Variants in FBXW12 observed in about 807,000 individuals in gnomAD.
FBXW12 encodes F-box and WD repeat domain containing 12.
A neutral mutation model predicts 55.3 loss-of-function variants in FBXW12; 43 were observed. The ratio of observed to expected loss-of-function variants is 0.78; its 90% CI spans 0.61 to 1.00. FBXW12 has a LOEUF of 1.00. Among genes scored for constraint, FBXW12 ranks in the 50% least tolerant of loss-of-function variants. The pLI, the probability that FBXW12 is intolerant of heterozygous loss-of-function variation, is 0.00. For missense variants in FBXW12, 524 were observed against 560.5 expected (o/e 0.93, Z 0.66); for synonymous variants, 184 against 203.8 (o/e 0.90, Z 0.83).
chr3:48,391,891 C>CTA (rs1387405836), intron 10 of FBXW12, among the ~76,000 whole-genome samples: 4 of 152,080 alleles, frequency 2.6e-5, no homozygotes, highest in Non-Finnish European at 5.9e-5. Flanking sequence ...CAGTTTGCTA[C>CTA]TATTTTCTTG....
In FBXW12 at chr3:48,380,809, A is replaced by G. The variant is rs1433486264; in HGVS notation, c.882A>G (p.Lys294=). Residue 294 remains lysine (K), a synonymous_variant, in exon 8 of 11, where the codon AAA becomes AAG. Coordinates refer to ENST00000296438, the MANE Select transcript of FBXW12 (RefSeq NM_207102.2). Reference sequence around the variant, plus strand: ...GCGCCTGCTGGACCCCAAAGGTGAAAAACAGGATAACACTGATGTCCCAAA... The same window carrying G: ...GCGCCTGCTGGACCCCAAAGGTGAAGAACAGGATAACACTGATGTCCCAAA... ...CASACWTPKV[K]NRITLMSQSS... 5 of 1,614,054 alleles carry G rather than the reference A, an allele frequency of 3.1e-6. No homozygotes were observed. The highest frequency in any genetic ancestry group is 3.4e-6 in the Non-Finnish European group (4 of 1,180,028).
rs570793466 is a variant in FBXW12, at chr3:48,382,191, A to G, written c.1295+106A>G. ...TAGTGCAGTGGCGTGATCTCAACTC[A>G]CTGCAACCTCCGACTCCCGGGTTCT... On this transcript the variant is annotated intron_variant, in intron 10 of 10. Coordinates refer to ENST00000296438, the MANE Select transcript of FBXW12 (RefSeq NM_207102.2). The G allele has an allele frequency of 5.5e-6, 7 of 1,270,492 alleles. No homozygotes were observed. The East Asian group carries it at 1.3e-4, about 23-fold the overall frequency. 78.7% of individuals were successfully genotyped at this position (1,270,492 alleles called of 1,614,324 possible).
intron 10 of FBXW12, among the ~76,000 whole-genome samples, chr3:48,393,526 A>G (rs2036960800): frequency 6.6e-6 from 1 of 152,298 alleles, no homozygotes; most frequent in East Asian, 1.9e-4. Flanking sequence ...CTATGCTCCC[A>G]CCATTTCCTC....
intron 10 of FBXW12, among the ~76,000 whole-genome samples, chr3:48,388,445 A>G (rs983803480): frequency 1.3e-5 from 2 of 152,178 alleles, no homozygotes; most frequent in Admixed American, 1.3e-4. Context: ...CTTGCTGCAT[A>G]CACATTTAGG....
chr3:48,375,548 G>C (rs1575358283), intron 5 of FBXW12, 76 bp downstream of exon 5: 4 of 842,446 alleles, frequency 4.7e-6, no homozygotes, highest in Non-Finnish European at 1.9e-6. Context: ...CGGAAGTGCT[G>C]AGAGGAAAAT....
intron 8 of FBXW12, 28 bp downstream of exon 8, chr3:48,380,940 G>T: frequency 6.3e-7 from 1 of 1,583,240 alleles, no homozygotes; most frequent in Non-Finnish European, 8.7e-7. Flanking sequence ...AGAAACGCTT[G>T]TTTCTCTTCC....
At chr3:48,381,610 TA>T in intron 8 of FBXW12, 89 bp from the exon 9 acceptor site, 1 of 1,387,950 alleles carries the variant, frequency 7.2e-7, no homozygotes, top group Middle Eastern at 2.0e-4. Context: ...TATGCTTTTT[TA>T]TTCAGTGTGA....
intron 10 of FBXW12, among the ~76,000 whole-genome samples, chr3:48,388,198 G>A (rs536659094): frequency 2.0e-5 from 3 of 152,064 alleles, no homozygotes. Flanking sequence ...CCCAAGATAT[G>A]CTCTATCTTG....
chr3:48,372,254 G>A lies in FBXW12; in HGVS notation c.-151G>A, dbSNP rs1018115030. 3 of 1,551,836 alleles carry A rather than the reference G, an allele frequency of 1.9e-6. No individual in the cohort carries two copies. The highest frequency in any genetic ancestry group is 2.6e-6 in the Non-Finnish European group (3 of 1,146,942). Reference sequence around the variant, plus strand: ...TCCACTGCAAAGTTAAATGCGAGAAGGTAGAAACCCAGAGGCCATGCTGGC... The same window carrying A: ...TCCACTGCAAAGTTAAATGCGAGAAAGTAGAAACCCAGAGGCCATGCTGGC... On this transcript the variant is annotated 5_prime_UTR_variant, in exon 1 of 11. Transcript: ENST00000296438.
chr3:48,373,293 C>G lies in FBXW12; in HGVS notation c.91-15C>G, dbSNP rs766252671. ...TAACTGATTGCCTGCTTGTCTCTTC[C>G]TTTCTCTCCCATAGCATTGGAATAG... On this transcript the variant is annotated splice_polypyrimidine_tract_variant and intron_variant, in intron 2 of 10. Coordinates refer to ENST00000296438, the MANE Select transcript of FBXW12 (RefSeq NM_207102.2). 1.9e-6 allele frequency: 3 copies of G among 1,614,054 alleles called. No individual in the cohort carries two copies. Among genetic ancestry groups the G allele is most frequent in the Admixed American group, 3.3e-5 (2 of 59,998 alleles).
At chr3:48,393,031 C>T (rs1298399887) in intron 10 of FBXW12, among the ~76,000 whole-genome samples, 6 of 136,986 alleles carry the variant, frequency 4.4e-5, no homozygotes, top group African/African-American at 1.6e-4. Context: ...GTCTCACTCT[C>T]TTGTCCAGGC....
rs917179561 is a variant in FBXW12, at chr3:48,374,678, C to G, written c.287-676C>G. On this transcript the variant is annotated intron_variant, in intron 4 of 10. Transcript: ENST00000296438. ...ATTAGGTCTCACTTTGTTACCCAGG[C>G]TGGTCTTGAACTCCTGAACTCAAGC... 2.6e-5 allele frequency among the ~76,000 whole-genome samples: 4 copies of G among 151,278 alleles called. No homozygotes were observed. In the East Asian group the frequency reaches 5.8e-4, roughly 22 times the overall value.
Position 48,390,388 on chromosome 3 carries a change from T to C in FBXW12, c.1296-4172T>C, listed in dbSNP as rs553585566. On this transcript the variant is annotated intron_variant, in intron 10 of 10. Coordinates refer to ENST00000296438, the MANE Select transcript of FBXW12 (RefSeq NM_207102.2). Reference sequence around the variant, plus strand: ...AAATGTTTTTGCATTTGTTTTTTAATGTCACCTAGGATTTCCTCTTTTTTT... The same window carrying C: ...AAATGTTTTTGCATTTGTTTTTTAACGTCACCTAGGATTTCCTCTTTTTTT... Among the ~76,000 whole-genome samples the C allele has an allele frequency of 2.0e-5, 3 of 150,672 alleles. No individual in the cohort carries two copies. The South Asian group carries it at 6.3e-4, about 32-fold the overall frequency.
chr3:48,372,316 C>A lies in FBXW12; in HGVS notation c.-89C>A. On this transcript the variant is annotated 5_prime_UTR_variant, in exon 1 of 11. Coordinates refer to ENST00000296438, the MANE Select transcript of FBXW12 (RefSeq NM_207102.2). ...AGCCCCACTCACCAGATTCAAGATCCCAAGGTAGGCACAGACACAGGGCAA... is the reference window on the plus strand; with the variant it reads ...AGCCCCACTCACCAGATTCAAGATCACAAGGTAGGCACAGACACAGGGCAA... 6.4e-7 allele frequency: 1 copy of A among 1,552,200 alleles called. No homozygotes were observed. The highest frequency in any genetic ancestry group is 8.7e-7 in the Non-Finnish European group (1 of 1,147,096).
intron 10 of FBXW12, among the ~76,000 whole-genome samples, chr3:48,382,834 A>G (rs2106641191): frequency 6.6e-6 from 1 of 152,336 alleles, no homozygotes; most frequent in African/African-American, 2.4e-5. Flanking sequence ...GCTAGTCATT[A>G]TACTGCTTAT....
At chr3:48,387,940 T>C (rs1224800279) in intron 10 of FBXW12, among the ~76,000 whole-genome samples, 1 of 152,206 alleles carries the variant, frequency 6.6e-6, no homozygotes, top group African/African-American at 2.4e-5. Context: ...TTTGGTGTTC[T>C]AAATTCTCCA....
At chr3:48,389,622 C>A (rs767014829) in intron 10 of FBXW12, among the ~76,000 whole-genome samples, 14 of 152,078 alleles carry the variant, frequency 9.2e-5, no homozygotes, top group Non-Finnish European at 2.1e-4. Flanking sequence ...GTGATCTGTC[C>A]GCCTCAGCCT....
chr3:48,372,699 C>T lies in FBXW12; in HGVS notation c.-69C>T. On this transcript the variant is annotated 5_prime_UTR_variant, in exon 2 of 11. It introduces an in-frame stop codon into an upstream open reading frame of the 5' UTR. Transcript: ENST00000296438. ...TCTTTACAAGTGCTGCAGACTTTGG[C>T]AAAGCCTATAAATTCAGAGCAGCCC... 1 of 1,612,360 alleles carries T rather than the reference C, an allele frequency of 6.2e-7. No homozygotes were observed. The highest frequency in any genetic ancestry group is 8.5e-7 in the Non-Finnish European group (1 of 1,178,630).
At position 48,373,574 on chromosome 3, in the gene FBXW12, G is replaced by A; in HGVS notation, c.155G>A (p.Cys52Tyr). Reference protein sequence around the residue: ...WRSLSLQRWDCSNFTNQHLGT... With the variant: ...WRSLSLQRWDYSNFTNQHLGT... ...TCACTATCTCTGCAGAGATGGGACT[G>A]CAGCAACTTCACCAATCAACACCTG... Residue 52 changes from cysteine to tyrosine, a missense_variant, in exon 4 of 11, where the codon TGC becomes TAC. Coordinates refer to ENST00000296438, the MANE Select transcript of FBXW12 (RefSeq NM_207102.2). 1 of 1,614,126 alleles carries A rather than the reference G, an allele frequency of 6.2e-7. No homozygotes were observed. The highest frequency in any genetic ancestry group is 8.5e-7 in the Non-Finnish European group (1 of 1,180,006).
Sources: gnomAD v4.1 joint callset for allele counts (sites outside exome capture counted in the v4.1 genomes callset) on GRCh38, gnomAD v4.1.1 for gene constraint, MANE v1.5 for transcripts, NCBI Gene and HGNC (gene_info 2026-07-23, HGNC 2026-07-21) for gene names.